Variants in ANO10 observed in about 807,000 individuals in gnomAD.
ANO10 encodes anoctamin 10, also known as anoctamin-10.
In ANO10, 77 loss-of-function variants were observed where a neutral mutation model predicts 74.7. That is an observed-to-expected ratio of 1.03 (90% CI 0.86 to 1.25). The LOEUF is 1.25. Ranked by LOEUF, ANO10 falls within the 50% of genes most tolerant of loss-of-function variation. The pLI is 0.00. For synonymous variants in ANO10, 279 were observed against 284.9 expected (o/e 0.98, Z 0.21); for missense variants, 721 against 778.1 (o/e 0.93, Z 0.87).
intron 11 of ANO10, among the ~76,000 whole-genome samples, chr3:43,517,640 A>T (rs2077765881): frequency 6.6e-6 from 1 of 152,168 alleles, no homozygotes. Flanking sequence ...CTAGGAAAAA[A>T]GGTCTCAGAA....
intron 1 of ANO10, among the ~76,000 whole-genome samples, chr3:43,668,407 T>A (rs1401936719): frequency 6.6e-6 from 1 of 152,216 alleles, no homozygotes; most frequent in Non-Finnish European, 1.5e-5. Context: ...TTTCTTTTGC[T>A]GTGCAGAAGC....
intron 1 of ANO10, chr3:43,691,105 G>C: frequency 3.5e-6 from 5 of 1,442,092 alleles, no homozygotes; most frequent in Admixed American, 2.6e-5. Context: ...GCCGGGTTAG[G>C]GCCCAGCGGG....
At chr3:43,667,907 G>T (rs1315962484) in intron 1 of ANO10, among the ~76,000 whole-genome samples, 3 of 152,110 alleles carry the variant, frequency 2.0e-5, no homozygotes, top group Non-Finnish European at 4.4e-5. Context: ...ACATGTGTGT[G>T]TAAGTATCTT....
intron 11 of ANO10, among the ~76,000 whole-genome samples, chr3:43,445,458 A>C (rs181047289): frequency 6.6e-6 from 1 of 152,312 alleles, no homozygotes; most frequent in Non-Finnish European, 1.5e-5. Context: ...CTTAAAATTA[A>C]AAACTTTATT....
At chr3:43,595,249 C>T (rs2082017798) in intron 4 of ANO10, among the ~76,000 whole-genome samples, 1 of 152,208 alleles carries the variant, frequency 6.6e-6, no homozygotes, top group Admixed American at 6.5e-5. Context: ...GGGAATCCTC[C>T]CTAACTCATT....
At chr3:43,592,239 G>C (rs1431582562) in intron 4 of ANO10, among the ~76,000 whole-genome samples, 2 of 152,186 alleles carry the variant, frequency 1.3e-5, no homozygotes, top group Non-Finnish European at 2.9e-5. Flanking sequence ...TGACAGCTTT[G>C]AAGAGAGTAG....
intron 1 of ANO10, among the ~76,000 whole-genome samples, chr3:43,652,735 A>T (rs1410008881): frequency 6.6e-6 from 1 of 152,134 alleles, no homozygotes; most frequent in Non-Finnish European, 1.5e-5. Flanking sequence ...CTTAGAATCA[A>T]ATAAGGCCTT....
intron 12 of ANO10, among the ~76,000 whole-genome samples, chr3:43,428,796 C>CAAATAA (rs2092936554): frequency 1.8e-5 from 1 of 55,426 alleles, no homozygotes; most frequent in African/African-American, 6.7e-5. Context: ...TTTGTGAATG[C>CAAATAA]AAAAAAAAAA....
intron 4 of ANO10, among the ~76,000 whole-genome samples, chr3:43,587,577 G>A (rs2081535916): frequency 6.6e-6 from 1 of 152,164 alleles, no homozygotes; most frequent in Admixed American, 6.6e-5. Context: ...CACAGAACAA[G>A]AGGCAAGCTG....
At position 43,530,453 on chromosome 3, in the gene ANO10, G is replaced by A. The variant is rs185114278; in HGVS notation, c.1797+19267C>T. Among the ~76,000 whole-genome samples, 5 of 148,794 alleles carry A rather than the reference G, an allele frequency of 3.4e-5. No individual in the cohort carries two copies. In the Admixed American group the frequency reaches 3.4e-4, roughly 10 times the overall value. ...ATATATTATATATATTTTATATATGGTATATATAAACTATAAAGGTTTTCT... is the reference window on the plus strand; with the variant it reads ...ATATATTATATATATTTTATATATGATATATATAAACTATAAAGGTTTTCT... On this transcript the variant is annotated intron_variant, in intron 11 of 12. Transcript: ENST00000292246.
intron 1 of ANO10, among the ~76,000 whole-genome samples, chr3:43,684,466 CTT>C (rs1468068176): frequency 6.6e-6 from 1 of 152,202 alleles, no homozygotes; most frequent in Non-Finnish European, 1.5e-5. Context: ...AATAGGAACA[CTT>C]TTACACTGTT....
At chr3:43,537,935 C>T (rs1008202389) in intron 11 of ANO10, among the ~76,000 whole-genome samples, 1 of 152,094 alleles carries the variant, frequency 6.6e-6, no homozygotes, top group Non-Finnish European at 1.5e-5. Context: ...ACAAAAGAAA[C>T]TAAAGACCCT....
rs536881729 is a variant in ANO10 at position 43,680,995 on chromosome 3, C to T, written c.-12+10522G>A. ...AAACATGCCAAATTGTAAAGACCAT[C>T]GAGGCTAGGAGGAAACTGCATCAAC... is the stretch of plus-strand genomic sequence containing the variant. On this transcript the variant is annotated intron_variant, in intron 1 of 3. Transcript: ENST00000413397. 3.6e-4 allele frequency among the ~76,000 whole-genome samples: 55 copies of T among 152,252 alleles called. No individual in the cohort carries two copies. The East Asian group carries it at 5.2e-3, about 14-fold the overall frequency.
chr3:43,447,425 C>T (rs2093263923), intron 11 of ANO10, among the ~76,000 whole-genome samples: 1 of 152,206 alleles, frequency 6.6e-6, no homozygotes, highest in Admixed American at 6.5e-5. Context: ...ATAGGTGTTT[C>T]AGTTTAGTTT....
At chr3:43,427,753 AG>A in intron 12 of ANO10, among the ~76,000 whole-genome samples, 1 of 152,362 alleles carries the variant, frequency 6.6e-6, no homozygotes, top group South Asian at 2.1e-4. Flanking sequence ...GTCAGATTAA[AG>A]AAAAATGAGA....
At chr3:43,621,629 C>G (rs1050391691) in intron 1 of ANO10, 2 of 152,720 alleles carry the variant, frequency 1.3e-5, no homozygotes, top group African/African-American at 4.8e-5. Flanking sequence ...AGGACTCAAA[C>G]CCTCGCCCCA....
At chr3:43,621,507 C>A (rs2083390626) in intron 1 of ANO10, among the ~76,000 whole-genome samples, 1 of 152,046 alleles carries the variant, frequency 6.6e-6, no homozygotes, top group Admixed American at 6.6e-5. Context: ...ACCCTTCACT[C>A]CGCTCCGCCG....
chr3:43,532,035 A>T (rs912349144), intron 11 of ANO10, among the ~76,000 whole-genome samples: 2 of 152,202 alleles, frequency 1.3e-5, no homozygotes, highest in Admixed American at 6.5e-5. Context: ...CATCCTGCTG[A>T]TTCATCTGCC....
intron 1 of ANO10, among the ~76,000 whole-genome samples, chr3:43,634,497 T>C (rs926463286): frequency 1.3e-5 from 2 of 152,110 alleles, no homozygotes; most frequent in Non-Finnish European, 1.5e-5. Flanking sequence ...TGATATAGAT[T>C]GTTGGGGTGG....
Sources: allele counts gnomAD v4.1 joint callset (sites outside exome capture counted in the v4.1 genomes callset), GRCh38; gene constraint gnomAD v4.1.1; transcripts MANE v1.5; gene names NCBI Gene and HGNC (gene_info 2026-07-23, HGNC 2026-07-21).